SASH1: variants seen among roughly 807,000 people sequenced by gnomAD.
SASH1 encodes SAM and SH3 domain containing 1.
In SASH1, 44 loss-of-function variants were observed where a neutral mutation model predicts 125.2. That is an observed-to-expected ratio of 0.35 (90% CI 0.28 to 0.45). SASH1 has a LOEUF of 0.45. Among genes scored for constraint, SASH1 ranks in the 20% least tolerant of loss-of-function variants. The pLI, the probability that SASH1 is intolerant of heterozygous loss-of-function variation, is 1.00. For synonymous variants in SASH1, 639 were observed against 649.1 expected (o/e 0.98, Z 0.24); for missense variants, 1,426 against 1,614.5 (o/e 0.88, Z 2.00).
intron 2 of SASH1, among the ~76,000 whole-genome samples, chr6:148,401,777 T>C (rs1784177016): frequency 6.8e-6 from 1 of 147,144 alleles, no homozygotes; most frequent in Non-Finnish European, 1.5e-5. Context: ...AACATCTGGA[T>C]GTGTGTGTGG....
At chr6:148,385,444 C>T (rs747192518) in intron 1 of SASH1, among the ~76,000 whole-genome samples, 7 of 152,112 alleles carry the variant, frequency 4.6e-5, no homozygotes, top group South Asian at 4.1e-4. Flanking sequence ...TCTTGTTTTC[C>T]GGCAAACTCC....
intron 1 of SASH1, among the ~76,000 whole-genome samples, chr6:148,368,732 A>G (rs1782574878): frequency 9.1e-6 from 1 of 109,596 alleles, no homozygotes; most frequent in Admixed American, 9.8e-5. Context: ...CTTAATTCTC[A>G]TCCTTCCAAC....
chr6:148,366,140 C>T (rs977442671), intron 1 of SASH1, among the ~76,000 whole-genome samples: 10 of 151,808 alleles, frequency 6.6e-5, no homozygotes, highest in African/African-American at 2.2e-4. Flanking sequence ...AAAAAATTAG[C>T]CAGGCATGGT....
the SASH1 span, among the ~76,000 whole-genome samples, chr6:148,206,421 G>A: frequency 6.6e-6 from 1 of 152,058 alleles, no homozygotes; most frequent in South Asian, 2.1e-4. Context: ...AATTTTGATA[G>A]CTGTATATTT....
the SASH1 span, among the ~76,000 whole-genome samples, chr6:148,220,677 G>A: frequency 6.6e-6 from 1 of 152,222 alleles, no homozygotes; most frequent in South Asian, 2.1e-4. Context: ...CACTTTGGGA[G>A]GCTGAGGCAG....
At position 148,483,860 on chromosome 6, in the gene SASH1, C is replaced by T. The variant is rs556890500; in HGVS notation, c.628-3754C>T. On this transcript the variant is annotated intron_variant, in intron 7 of 19. Transcript: ENST00000367467. ...TTGTTGAGTCATTTCCTTATAAAAGCGACTGTGCATCAAATCACAGAGATT... is the reference window on the plus strand; with the variant it reads ...TTGTTGAGTCATTTCCTTATAAAAGTGACTGTGCATCAAATCACAGAGATT... Among the ~76,000 whole-genome samples, 20 of 152,272 alleles carry T rather than the reference C, an allele frequency of 1.3e-4. No individual in the cohort carries two copies. The South Asian group carries it at 2.1e-3, about 16-fold the overall frequency.
chr6:148,257,628 C>CT, the SASH1 span, among the ~76,000 whole-genome samples: 3,774 of 127,110 alleles, frequency 0.03, 157 homozygotes, highest in African/African-American at 0.071. Context: ...TGTCAGTTTA[C>CT]TTTTTTTTTT....
At chr6:148,481,668 G>A (rs1016080258) in intron 7 of SASH1, among the ~76,000 whole-genome samples, 6 of 152,116 alleles carry the variant, frequency 3.9e-5, no homozygotes, top group Admixed American at 1.3e-4. Flanking sequence ...CAGTGGAGCC[G>A]TCAGAACACA....
At position 148,543,890 on chromosome 6, in the gene SASH1, T is replaced by C. The variant is rs1385809960; in HGVS notation, c.2420T>C (p.Leu807Ser). The change falls in exon 18 of 20, where the codon TTG becomes TCG. Residue 807 changes from leucine to serine, a missense_variant. Around this residue, in one of 3 missense-constraint regions of SASH1, gnomAD observed 634 missense variants for 694.4 expected, o/e 0.91. Transcript: ENST00000367467. Reference sequence around the variant, plus strand: ...TGTGACCCACCTGGTGTGACTGGTTTGAATAAAAACCGAAGAAGCCTCCCA... The same window carrying C: ...TGTGACCCACCTGGTGTGACTGGTTCGAATAAAAACCGAAGAAGCCTCCCA... ...KSCDPPGVTG[L>S]NKNRRSLPVS... 1.5e-5 allele frequency: 25 copies of C among 1,614,172 alleles called. No individual in the cohort carries two copies. The highest frequency in any genetic ancestry group is 2.1e-5 in the Non-Finnish European group (25 of 1,180,040).
chr6:148,526,802 G>A (rs911213570), intron 11 of SASH1, among the ~76,000 whole-genome samples: 4 of 151,804 alleles, frequency 2.6e-5, no homozygotes, highest in African/African-American at 4.8e-5. Flanking sequence ...CAGGCAATTC[G>A]GTAGTATTAT....
intron 1 of SASH1, among the ~76,000 whole-genome samples, chr6:148,295,855 T>C (rs558411890): frequency 6.6e-6 from 1 of 152,362 alleles, no homozygotes; most frequent in East Asian, 1.9e-4. Flanking sequence ...ACTGCTGTAT[T>C]GCCCACACCT....
intron 4 of SASH1, among the ~76,000 whole-genome samples, chr6:148,462,403 A>C (rs1231704565): frequency 6.6e-6 from 1 of 151,630 alleles, no homozygotes; most frequent in Non-Finnish European, 1.5e-5. Flanking sequence ...CATTCATTGC[A>C]CTTTTCTGGT....
chr6:148,345,042 C>G (rs1329832450), intron 1 of SASH1, among the ~76,000 whole-genome samples: 1 of 152,230 alleles, frequency 6.6e-6, no homozygotes, highest in East Asian at 1.9e-4. Flanking sequence ...GCGTGAGCCA[C>G]CGCGCCCGAT....
chr6:148,439,225 ATAT>A (rs1776442233), intron 2 of SASH1, among the ~76,000 whole-genome samples: 1 of 152,182 alleles, frequency 6.6e-6, no homozygotes, highest in Non-Finnish European at 1.5e-5. Flanking sequence ...TTTATCTGTA[ATAT>A]TCTTTGATTC....
rs140871192 is a variant in SASH1, at chr6:148,291,945, T to C, written n.74+19568T>C. 2.0e-5 allele frequency among the ~76,000 whole-genome samples: 3 copies of C among 152,002 alleles called. No homozygotes were observed. The East Asian group carries it at 5.8e-4, about 29-fold the overall frequency. On this transcript the variant is annotated intron_variant and non_coding_transcript_variant, in intron 1 of 3. Transcript: ENST00000367469. ...TGGAAGAGCTTAGAGCCAAGAAAAA[T>C]AGATACTAGTACTTAAAAGAATTTG...
chr6:148,343,347 C>T, intron 1 of SASH1, 124 bp downstream of exon 1: 1 of 864,632 alleles, frequency 1.2e-6, no homozygotes, highest in Non-Finnish European at 1.7e-6. Flanking sequence ...TTCTCTGGCT[C>T]TAGTTCTTAG....
At chr6:148,193,726 A>G in the SASH1 span, among the ~76,000 whole-genome samples, 1 of 152,206 alleles carries the variant, frequency 6.6e-6, no homozygotes, top group Non-Finnish European at 1.5e-5. Flanking sequence ...TAATCAAAGG[A>G]TTGTACTCTT....
At chr6:148,381,078 A>T (rs1247361819) in intron 1 of SASH1, among the ~76,000 whole-genome samples, 3 of 152,184 alleles carry the variant, frequency 2.0e-5, no homozygotes, top group Admixed American at 2.0e-4. Flanking sequence ...CAGTTTCTTC[A>T]TCATACGTGA....
intron 2 of SASH1, among the ~76,000 whole-genome samples, chr6:148,402,626 T>A (rs566896680): frequency 3.5e-5 from 5 of 143,600 alleles, no homozygotes; most frequent in Admixed American, 2.8e-4. Flanking sequence ...ACATTTTTTT[T>A]TTTTTGGAGA....
Sources: gnomAD v4.1 joint callset for allele counts (sites outside exome capture counted in the v4.1 genomes callset) on GRCh38, gnomAD v4.1.1 for gene constraint, gnomAD v4.1.1 regional missense constraint, MANE v1.5 for transcripts, NCBI Gene and HGNC (gene_info 2026-07-23, HGNC 2026-07-21) for gene names.